The following ACP1 variants were observed in gnomAD, a reference collection of about 807,000 sequenced individuals.
The protein encoded by ACP1 is acid phosphatase 1.
In ACP1, 23 loss-of-function variants were observed where a neutral mutation model predicts 23.4. The ratio of observed to expected loss-of-function variants is 0.98; its 90% CI spans 0.71 to 1.39. ACP1 has a LOEUF of 1.39. Ranked by LOEUF, ACP1 falls within the 40% of genes most tolerant of loss-of-function variation. The probability of loss-of-function intolerance (pLI) is 0.00; values close to 1 mark genes in which losing one functional copy is unlikely to be tolerated. For missense variants in ACP1, 180 were observed against 197.7 expected, an observed-to-expected ratio of 0.91 and a Z score of 0.54; for synonymous variants, 72 against 67.2, an observed-to-expected ratio of 1.07 and a Z score of -0.35.
chr2:270,809 A>G (rs952623239), intron 1 of ACP1, among the ~76,000 whole-genome samples: 9 of 150,908 alleles, frequency 6.0e-5, no homozygotes, highest in African/African-American at 2.0e-4. Flanking sequence ...CTGTTAGGGA[A>G]CCTCCCAGAA....
At chr2:268,160 A>G (rs942802313) in intron 1 of ACP1, among the ~76,000 whole-genome samples, 3 of 152,208 alleles carry the variant, frequency 2.0e-5, no homozygotes, top group African/African-American at 4.8e-5. Context: ...TTAAGTTTAA[A>G]AAAGAAGAGT....
intron 1 of ACP1, among the ~76,000 whole-genome samples, chr2:271,025 G>A (rs1043156406): frequency 2.6e-5 from 4 of 152,118 alleles, no homozygotes; most frequent in African/African-American, 7.2e-5. Context: ...CCCTGATGTC[G>A]ACATCGTGGT....
intron 1 of ACP1, among the ~76,000 whole-genome samples, chr2:269,523 G>A (rs1474715078): frequency 2.6e-5 from 4 of 152,130 alleles, no homozygotes; most frequent in Non-Finnish European, 5.9e-5. Flanking sequence ...CTTAGTTAGT[G>A]CTGCCTATTC....
At chr2:273,208 G>C (rs1045808549) in intron 3 of ACP1, 2 of 152,392 alleles carry the variant, frequency 1.3e-5, no homozygotes. Flanking sequence ...AGTGTCAGGA[G>C]CCCACTCCCA....
Position 277,655 on chromosome 2 carries a change from A to G in ACP1, c.*351A>G, listed in dbSNP as rs1670213584. ...AACATCTAAGCCTGTTGAGACTTAG[A>G]TAATCGAGTCTACCTCTTCAGTAGG... On this transcript the variant is annotated 3_prime_UTR_variant, in exon 6 of 6. Coordinates refer to ENST00000272065, the MANE Select transcript of ACP1 (RefSeq NM_004300.4). 6.8e-6 allele frequency: 2 copies of G among 292,736 alleles called. No homozygotes were observed. The highest frequency in any genetic ancestry group is 1.3e-5 in the Non-Finnish European group (2 of 151,158). The allele number at this position is 292,736 out of a possible 1,614,324, so 18.1% of individuals were successfully genotyped here.
intron 1 of ACP1, among the ~76,000 whole-genome samples, chr2:267,462 G>C (rs1202459990): frequency 6.6e-6 from 1 of 152,232 alleles, no homozygotes; most frequent in East Asian, 1.9e-4. Flanking sequence ...CCACCTGATA[G>C]ATGACTTTTG....
At chr2:273,814 T>C (rs1670105732) in intron 3 of ACP1, among the ~76,000 whole-genome samples, 1 of 152,240 alleles carries the variant, frequency 6.6e-6, no homozygotes, top group African/African-American at 2.4e-5. Context: ...GTCCAGAATT[T>C]AAAACAAGTT....
intron 3 of ACP1, 196 bp downstream of exon 3, chr2:272,346 G>A (rs751010077): frequency 6.3e-7 from 1 of 1,583,188 alleles, no homozygotes. Flanking sequence ...ATAGAGTCCA[G>A]TAACTTGAGA....
In ACP1 at chr2:277,843, T is replaced by C. The variant is rs1254158056; in HGVS notation, c.*539T>C. ...ACACCCATAGTGCACACTTGTATATTGAAAAGATAGGGAAGAGAGAAACAT... is the reference window on the plus strand; with the variant it reads ...ACACCCATAGTGCACACTTGTATATCGAAAAGATAGGGAAGAGAGAAACAT... On this transcript the variant is annotated 3_prime_UTR_variant, in exon 6 of 6. Transcript: ENST00000272065. 6.5e-6 allele frequency: 1 copy of C among 153,744 alleles called. No individual in the cohort carries two copies. Among genetic ancestry groups the C allele is most frequent in the Non-Finnish European group, 1.4e-5 (1 of 69,006 alleles). The allele number at this position is 153,744 out of a possible 1,614,324, so 9.5% of individuals were successfully genotyped here.
intron 3 of ACP1, among the ~76,000 whole-genome samples, chr2:273,358 C>T (rs955011246): frequency 1.8e-4 from 27 of 152,248 alleles, no homozygotes; most frequent in African/African-American, 6.0e-4. Flanking sequence ...AGTTCTGCTA[C>T]TGAACCGTTT....
At position 272,162 on chromosome 2, in the gene ACP1, G is replaced by T. The variant is rs1426121633; in HGVS notation, c.231+12G>T. 6.2e-7 allele frequency: 1 copy of T among 1,614,058 alleles called. No homozygotes were observed. Among genetic ancestry groups the T allele is most frequent in the African/African-American group, 1.3e-5 (1 of 74,928 alleles). On this transcript the variant is annotated intron_variant, in intron 3 of 5. Transcript: ENST00000272065. ...ACGTTGCCCGGCAGGTACCGTCCTTGGACTTGAAGTTGTGTGTTTTGTGTT... is the reference window on the plus strand; with the variant it reads ...ACGTTGCCCGGCAGGTACCGTCCTTTGACTTGAAGTTGTGTGTTTTGTGTT...
chr2:268,085 G>A (rs1669937480), intron 1 of ACP1, among the ~76,000 whole-genome samples: 2 of 152,184 alleles, frequency 1.3e-5, no homozygotes, highest in Non-Finnish European at 2.9e-5. Context: ...GAGGCCATGT[G>A]AAGACTTGGG....
At chr2:271,809 G>C in intron 1 of ACP1, 57 bp from the exon 2 acceptor site, 1 of 1,356,174 alleles carries the variant, frequency 7.4e-7, no homozygotes, top group Non-Finnish European at 1.1e-6. Context: ...AGGGGAGCTG[G>C]CATGTGCCCT....
At chr2:265,119 G>A in intron 1 of ACP1, 112 bp downstream of exon 1, 1 of 1,339,646 alleles carries the variant, frequency 7.5e-7, no homozygotes, top group Admixed American at 1.9e-5. Context: ...AGGAGGCCAG[G>A]GACTGGGAGG....
chr2:265,603 A>G (rs1290212901), intron 1 of ACP1, among the ~76,000 whole-genome samples: 2 of 152,220 alleles, frequency 1.3e-5, no homozygotes, highest in African/African-American at 4.8e-5. Context: ...TTTCACTCCT[A>G]GAATTTCAAC....
rs1456255691 is a variant in ACP1, at chr2:264,996, TTGTG to T, written c.36_39del (p.Cys13TrpfsTer18). 6.2e-7 allele frequency: 1 copy of T among 1,613,012 alleles called. No individual in the cohort carries two copies. The highest frequency in any genetic ancestry group is 8.5e-7 in the Non-Finnish European group (1 of 1,179,586). On this transcript the variant is annotated frameshift_variant, in exon 1 of 6. Transcript: ENST00000272065. LOFTEE classifies it high-confidence loss of function. ...GAACAGGCTACCAAGTCCGTGCTGT[TTGTG>T]TGTCTGGGTAAGAGGGCGCCGACTT... is the stretch of plus-strand genomic sequence containing the variant.
chr2:268,937 T>TG (rs1669962226), intron 1 of ACP1, among the ~76,000 whole-genome samples: 1 of 152,206 alleles, frequency 6.6e-6, no homozygotes, highest in African/African-American at 2.4e-5. Flanking sequence ...CATATTGTTG[T>TG]GGGGAAAGTA....
chr2:271,005 G>C (rs1245835865), intron 1 of ACP1, among the ~76,000 whole-genome samples: 7 of 152,166 alleles, frequency 4.6e-5, no homozygotes, highest in Non-Finnish European at 8.8e-5. Context: ...CTGGTCTAAA[G>C]TAAGGATGGC....
chr2:272,618 T>A, intron 3 of ACP1: 1 of 615,348 alleles, frequency 1.6e-6, no homozygotes, highest in Non-Finnish European at 2.5e-6. Flanking sequence ...TAGGCCATAG[T>A]AATCATCCTG....
Sources: gnomAD v4.1 joint callset for allele counts (sites outside exome capture counted in the v4.1 genomes callset) on GRCh38, gnomAD v4.1.1 for gene constraint, MANE v1.5 for transcripts, NCBI Gene and HGNC (gene_info 2026-07-23, HGNC 2026-07-21) for gene names.